Variants in NNT observed in about 807,000 individuals in gnomAD.
NNT encodes NAD(P) transhydrogenase, mitochondrial.
Under a neutral mutation model 104.8 loss-of-function variants are expected in NNT, and 50 were observed. The ratio of observed to expected loss-of-function variants is 0.48; its 90% CI spans 0.38 to 0.60. The LOEUF (loss-of-function observed/expected upper bound fraction) is 0.60. Among genes scored for constraint, NNT ranks in the 20% least tolerant of loss-of-function variants. The pLI is 0.00. For missense variants in NNT, 1,131 were observed against 1,330.7 expected (o/e 0.85, Z 2.33); for synonymous variants, 461 against 490.4 (o/e 0.94, Z 0.79).
At chr5:43,657,211 T>A (rs1469874836) in intron 16 of NNT, among the ~76,000 whole-genome samples, 2 of 152,178 alleles carry the variant, frequency 1.3e-5, no homozygotes, top group Non-Finnish European at 2.9e-5. Flanking sequence ...CACCAGTTGC[T>A]CTTACATCAT....
intron 17 of NNT, among the ~76,000 whole-genome samples, chr5:43,661,396 T>A (rs1463188795): frequency 5.2e-5 from 7 of 134,614 alleles, no homozygotes; most frequent in Non-Finnish European, 1.6e-5. Flanking sequence ...GGCTTTTATT[T>A]ATTTATTTAT....
intron 10 of NNT, among the ~76,000 whole-genome samples, chr5:43,646,798 A>G (rs1739471535): frequency 6.6e-6 from 1 of 152,184 alleles, no homozygotes; most frequent in South Asian, 2.1e-4. Flanking sequence ...CTAACATTTT[A>G]AGTTACTCAA....
intron 5 of NNT, among the ~76,000 whole-genome samples, chr5:43,622,795 T>C (rs1389446084): frequency 6.6e-6 from 1 of 152,124 alleles, no homozygotes; most frequent in Non-Finnish European, 1.5e-5. Flanking sequence ...ACTCCATGCT[T>C]TAGAGAGAAA....
intron 19 of NNT, among the ~76,000 whole-genome samples, chr5:43,692,240 A>C (rs1742322361): frequency 6.6e-6 from 1 of 152,206 alleles, no homozygotes; most frequent in Non-Finnish European, 1.5e-5. Flanking sequence ...GAACAGGGGC[A>C]AACTGCTTTG....
rs928169209 is a variant in NNT, at chr5:43,666,419, C to T, written c.2634+7069C>T. Among the ~76,000 whole-genome samples, 10 of 152,184 alleles carry T rather than the reference C, an allele frequency of 6.6e-5. No individual in the cohort carries two copies. The East Asian group carries it at 7.7e-4, about 12-fold the overall frequency. ...CAGCCCGGCCAACACGGCGAAACCC[C>T]GTCTCCACCAAAAAATACGAAAACC... is the stretch of plus-strand genomic sequence containing the variant. On this transcript the variant is annotated intron_variant, in intron 17 of 21. Transcript: ENST00000344920.
intron 16 of NNT, among the ~76,000 whole-genome samples, chr5:43,657,487 T>A (rs1740120333): frequency 6.6e-6 from 1 of 152,184 alleles, no homozygotes; most frequent in African/African-American, 2.4e-5. Context: ...CAGTGTGTAA[T>A]CCGTAGACAA....
At chr5:43,694,613 C>G (rs1742458129) in intron 19 of NNT, among the ~76,000 whole-genome samples, 1 of 152,186 alleles carries the variant, frequency 6.6e-6, no homozygotes, top group Non-Finnish European at 1.5e-5. Context: ...ACCAACCTTG[C>G]ATCCCTGGGA....
intron 17 of NNT, among the ~76,000 whole-genome samples, chr5:43,665,694 T>C (rs1740610487): frequency 2.0e-5 from 3 of 147,426 alleles, no homozygotes; most frequent in Non-Finnish European, 3.1e-5. Context: ...CCTTTTCTAT[T>C]CGACAAAACC....
chr5:43,638,507 T>C (rs1377908826), intron 7 of NNT, among the ~76,000 whole-genome samples: 1 of 152,166 alleles, frequency 6.6e-6, no homozygotes, highest in African/African-American at 2.4e-5. Context: ...ATTTAGTCAA[T>C]ATAGAGACTA....
At chr5:43,652,272 C>T (rs181986898) in intron 13 of NNT, among the ~76,000 whole-genome samples, 4 of 152,180 alleles carry the variant, frequency 2.6e-5, no homozygotes, top group African/African-American at 9.6e-5. Flanking sequence ...CCTATTCTTC[C>T]TCTACAAATC....
At chr5:43,692,193 A>G (rs999583664) in intron 19 of NNT, among the ~76,000 whole-genome samples, 7 of 150,896 alleles carry the variant, frequency 4.6e-5, no homozygotes, top group Admixed American at 2.6e-4. Context: ...AAAAGTTTTA[A>G]TTTTTTTTTT....
intron 19 of NNT, among the ~76,000 whole-genome samples, chr5:43,699,727 C>T (rs868245928): frequency 1.3e-5 from 2 of 152,142 alleles, no homozygotes; most frequent in Non-Finnish European, 2.9e-5. Flanking sequence ...GTTGATTTTT[C>T]GTGGGAAACA....
At chr5:43,658,421 A>C (rs1334705847) in intron 16 of NNT, among the ~76,000 whole-genome samples, 1 of 152,226 alleles carries the variant, frequency 6.6e-6, no homozygotes, top group Non-Finnish European at 1.5e-5. Flanking sequence ...GACATTGTTA[A>C]TGATACATTA....
chr5:43,603,093 G>A (rs962902679), upstream of NNT: 2 of 152,766 alleles, frequency 1.3e-5, no homozygotes, highest in African/African-American at 2.4e-5. Context: ...GGGGCCTGGC[G>A]GGAAGAAAGC....
chr5:43,680,914 A>G (rs956648097), intron 19 of NNT, among the ~76,000 whole-genome samples: 2 of 151,940 alleles, frequency 1.3e-5, no homozygotes, highest in Non-Finnish European at 2.9e-5. Context: ...TTTCCTTCCC[A>G]ATTTTTGGAC....
chr5:43,647,489 G>A (rs776764063), intron 10 of NNT, among the ~76,000 whole-genome samples: 11 of 152,026 alleles, frequency 7.2e-5, no homozygotes, highest in Non-Finnish European at 1.5e-4. Context: ...ACTTATATGT[G>A]TTTTTCTTTA....
chr5:43,693,846 T>G (rs2112211841), intron 19 of NNT, among the ~76,000 whole-genome samples: 1 of 152,310 alleles, frequency 6.6e-6, no homozygotes, highest in Non-Finnish European at 1.5e-5. Flanking sequence ...GGCTTTAATT[T>G]TATTCTCACT....
At chr5:43,663,255 T>C (rs1297778626) in intron 17 of NNT, among the ~76,000 whole-genome samples, 1 of 152,182 alleles carries the variant, frequency 6.6e-6, no homozygotes, top group East Asian at 1.9e-4. Flanking sequence ...ATTATTTCCT[T>C]AGGTCCAGTT....
intron 19 of NNT, among the ~76,000 whole-genome samples, chr5:43,687,682 G>A (rs1219884802): frequency 6.6e-6 from 1 of 152,146 alleles, no homozygotes; most frequent in Admixed American, 6.5e-5. Flanking sequence ...ATAAATTACT[G>A]TGCAAGTAGA....
Sources: allele counts gnomAD v4.1 joint callset (sites outside exome capture counted in the v4.1 genomes callset), GRCh38; gene constraint gnomAD v4.1.1; transcripts MANE v1.5; gene names NCBI Gene and HGNC (gene_info 2026-07-23, HGNC 2026-07-21).